The following SIM2 variants were observed in gnomAD, a reference collection of about 807,000 sequenced individuals.
The protein encoded by SIM2 is SIM bHLH transcription factor 2.
SIM2 carries 28 observed loss-of-function variants against 64.8 expected under a neutral mutation model. That is an observed-to-expected ratio of 0.43 (90% CI 0.32 to 0.59). The LOEUF is 0.59. SIM2 is among the 20% of genes least tolerant of loss of function. SIM2 has a pLI of 0.07. For missense variants in SIM2, 847 were observed against 871.4 expected (o/e 0.97, Z 0.35); for synonymous variants, 408 against 391.1 (o/e 1.04, Z -0.51).
At position 36,726,077 on chromosome 21, in the gene SIM2, A is replaced by C. The variant is rs767037878; in HGVS notation, c.544-42A>C. On this transcript the variant is annotated intron_variant, in intron 5 of 10. Coordinates refer to ENST00000290399, the MANE Select transcript of SIM2 (RefSeq NM_005069.6). This position sits in a 1 kb window ranked among gnomAD's most constrained non-coding sequence, Gnocchi z 4.5. ...GCCAGGAGGAGTGGGCTCCAGCCCA[A>C]CCCCAGTGGCCAGTGGCTGACCCTG... 6.4e-7 allele frequency: 1 copy of C among 1,560,582 alleles called. No homozygotes were observed. Among genetic ancestry groups the C allele is most frequent in the East Asian group, 2.3e-5 (1 of 44,440 alleles).
chr21:36,726,106 T>G lies in SIM2; in HGVS notation c.544-13T>G. The G allele has an allele frequency of 6.2e-7, 1 of 1,611,120 alleles. No individual in the cohort carries two copies. Among genetic ancestry groups the G allele is most frequent in the Non-Finnish European group, 8.5e-7 (1 of 1,178,700 alleles). On this transcript the variant is annotated splice_polypyrimidine_tract_variant and intron_variant, in intron 5 of 10. Coordinates refer to ENST00000290399, the MANE Select transcript of SIM2 (RefSeq NM_005069.6). This position sits in a 1 kb window ranked among gnomAD's most constrained non-coding sequence, Gnocchi z 4.5. ...CAGTGGCCAGTGGCTGACCCTGCCCTCTCCACTCCCAGGTCATCCACTGCA... is the reference window on the plus strand; with the variant it reads ...CAGTGGCCAGTGGCTGACCCTGCCCGCTCCACTCCCAGGTCATCCACTGCA...
rs201951528 is a variant in SIM2, at chr21:36,745,018, C to T, written c.1458C>T (p.Ser486=). The change falls in exon 10 of 11, where the codon AGC becomes AGT. Residue 486 remains serine, a synonymous_variant. Coordinates refer to ENST00000290399, the MANE Select transcript of SIM2 (RefSeq NM_005069.6). This position sits in a 1 kb window ranked among gnomAD's most constrained non-coding sequence, Gnocchi z 4.8. ...ARFFLSTLPA[S]GECQWHYANP... ...TTTTCCTGAGCACACTGCCAGCCAGCGGTGAATGCCAGTGGCATTATGCCA... is the reference window on the plus strand; with the variant it reads ...TTTTCCTGAGCACACTGCCAGCCAGTGGTGAATGCCAGTGGCATTATGCCA... 209 of 1,614,086 alleles carry T rather than the reference C, an allele frequency of 1.3e-4. 3 individuals are homozygous for T. The Admixed American group carries it at 3.2e-3, about 25-fold the overall frequency.
intron 9 of SIM2, 105 bp from the exon 10 acceptor site, chr21:36,744,623 G>C (rs1367171042): frequency 7.2e-7 from 1 of 1,380,492 alleles, no homozygotes; most frequent in Non-Finnish European, 9.6e-7. Flanking sequence ...GGTAGGGGCA[G>C]CCCTTGGATG....
chr21:36,708,750 G>A (rs1023492903), intron 1 of SIM2, among the ~76,000 whole-genome samples: 1 of 152,224 alleles, frequency 6.6e-6, no homozygotes, highest in African/African-American at 2.4e-5. Flanking sequence ...AGAAAGGAGG[G>A]AGGGAAGGAG....
At chr21:36,707,624 C>T (rs545692177) in intron 1 of SIM2, among the ~76,000 whole-genome samples, 1 of 151,530 alleles carries the variant, frequency 6.6e-6, no homozygotes, top group South Asian at 2.1e-4. Flanking sequence ...TTTTAGTTGC[C>T]GAATAGGGAA....
At chr21:36,736,767 T>G (rs1009617614) in intron 7 of SIM2, among the ~76,000 whole-genome samples, 1 of 142,516 alleles carries the variant, frequency 7.0e-6, no homozygotes, top group African/African-American at 2.8e-5. Flanking sequence ...CTCCCTCCCT[T>G]TCTTCTTTCT....
chr21:36,737,788 C>T (rs1020397347), intron 7 of SIM2, among the ~76,000 whole-genome samples: 1 of 151,640 alleles, frequency 6.6e-6, no homozygotes, highest in African/African-American at 2.4e-5. Context: ...GGTGAAACCC[C>T]GTCTCTACTA....
At chr21:36,717,445 C>CTTTT (rs1568929297) in intron 3 of SIM2, among the ~76,000 whole-genome samples, 1 of 136,542 alleles carries the variant, frequency 7.3e-6, no homozygotes, top group Non-Finnish European at 1.6e-5. Flanking sequence ...TTCTTTCTTT[C>CTTTT]TTTTCTTTTT....
chr21:36,727,820 A>C (rs535403264), intron 6 of SIM2, among the ~76,000 whole-genome samples: 1 of 152,316 alleles, frequency 6.6e-6, no homozygotes, highest in African/African-American at 2.4e-5. Flanking sequence ...CACATCACAT[A>C]AAATTGATCA....
intron 7 of SIM2, among the ~76,000 whole-genome samples, chr21:36,737,137 C>G (rs1188398384): frequency 1.3e-5 from 2 of 152,148 alleles, no homozygotes; most frequent in Non-Finnish European, 2.9e-5. Flanking sequence ...CTATGTTGCC[C>G]AGGCTGGGCT....
chr21:36,704,704 C>T (rs1447736074), intron 1 of SIM2, among the ~76,000 whole-genome samples: 1 of 152,214 alleles, frequency 6.6e-6, no homozygotes, highest in East Asian at 1.9e-4. Context: ...CTGCGCACGG[C>T]AATGGGGGCA....
chr21:36,739,442 T>A (rs183517947), intron 7 of SIM2, among the ~76,000 whole-genome samples: 92 of 152,360 alleles, frequency 6.0e-4, no homozygotes, highest in African/African-American at 2.1e-3. Context: ...ACATTTCCCA[T>A]AATATAACAA....
At chr21:36,733,290 TCTC>T (rs920704273) in intron 7 of SIM2, among the ~76,000 whole-genome samples, 3 of 152,028 alleles carry the variant, frequency 2.0e-5, no homozygotes, top group Non-Finnish European at 4.4e-5. Context: ...AGTGGCATGA[TCTC>T]AGCTCACTGC....
chr21:36,740,999 G>T (rs2089152125), intron 7 of SIM2, among the ~76,000 whole-genome samples: 1 of 152,220 alleles, frequency 6.6e-6, no homozygotes, highest in Admixed American at 6.5e-5. Flanking sequence ...CTCCTGGAAG[G>T]CGGTGAGGTG....
rs769049477 is a variant in SIM2, at chr21:36,747,276, G to A, written c.1577-389G>A. On this transcript the variant is annotated intron_variant, in intron 10 of 10. Transcript: ENST00000290399. The surrounding 1 kb of genome is among the most constrained non-coding windows in gnomAD (Gnocchi z 4.5). ...AATCAGGTAGCCACCAACCCCGTGTGGTCTTGAACATGGAAATGTGGCCAG... is the reference window on the plus strand; with the variant it reads ...AATCAGGTAGCCACCAACCCCGTGTAGTCTTGAACATGGAAATGTGGCCAG... Among the ~76,000 whole-genome samples, 81 of 152,008 alleles carry A rather than the reference G, an allele frequency of 5.3e-4. No homozygotes were observed. The highest frequency in any genetic ancestry group is 1.1e-3 in the Non-Finnish European group (73 of 68,008).
intron 6 of SIM2, 112 bp from the exon 7 acceptor site, chr21:36,730,933 C>T (rs751381178): frequency 1.4e-6 from 1 of 732,662 alleles, no homozygotes; most frequent in Non-Finnish European, 2.3e-6. Flanking sequence ...CCAAAATCAA[C>T]ATTTCCCGCC....
chr21:36,718,750 T>C (rs2088779634), intron 3 of SIM2, among the ~76,000 whole-genome samples: 1 of 152,108 alleles, frequency 6.6e-6, no homozygotes, highest in South Asian at 2.1e-4. Context: ...GCACTATTGA[T>C]TATAGCTCTA....
intron 3 of SIM2, among the ~76,000 whole-genome samples, chr21:36,712,849 T>C (rs1053700914): frequency 6.6e-6 from 1 of 152,204 alleles, no homozygotes; most frequent in African/African-American, 2.4e-5. Context: ...TCATGACCAG[T>C]GTGTCTTCAC....
Position 36,747,115 on chromosome 21 carries a change from A to G in SIM2, c.1577-550A>G, listed in dbSNP as rs988526785. On this transcript the variant is annotated intron_variant, in intron 10 of 10. Transcript: ENST00000290399. This position sits in a 1 kb window ranked among gnomAD's most constrained non-coding sequence, Gnocchi z 4.5. ...TCGGACTGAGTAGATGGGAGTGGTTATTTTTCATTATGACACGGCGAAACC... is the reference window on the plus strand; with the variant it reads ...TCGGACTGAGTAGATGGGAGTGGTTGTTTTTCATTATGACACGGCGAAACC... Among the ~76,000 whole-genome samples, 12 of 152,034 alleles carry G rather than the reference A, an allele frequency of 7.9e-5. No individual in the cohort carries two copies. The highest frequency in any genetic ancestry group is 2.7e-4 in the African/African-American group (11 of 41,364).
Sources: allele counts gnomAD v4.1 joint callset (sites outside exome capture counted in the v4.1 genomes callset), GRCh38; gene constraint gnomAD v4.1.1; non-coding constraint Gnocchi (gnomAD v3.1); transcripts MANE v1.5; gene names NCBI Gene and HGNC (gene_info 2026-07-23, HGNC 2026-07-21).